Variants in TMPRSS9 observed in about 807,000 individuals in gnomAD.
TMPRSS9 encodes the protein transmembrane serine protease 9.
Under a neutral mutation model 111.4 loss-of-function variants are expected in TMPRSS9, and 113 were observed. That is an observed-to-expected ratio of 1.01 (90% CI 0.87 to 1.19). The LOEUF is 1.19. TMPRSS9 is among the 50% of genes most tolerant of loss of function. The probability of loss-of-function intolerance (pLI) is 0.00; values close to 1 mark genes in which losing one functional copy is unlikely to be tolerated. For missense variants in TMPRSS9, 1,803 were observed against 1,513.1 expected (o/e 1.19, Z -3.18); for synonymous variants, 805 against 659.1 (o/e 1.22, Z -3.39).
intron 1 of TMPRSS9, among the ~76,000 whole-genome samples, chr19:2,377,970 G>A (rs376735828): frequency 2.0e-5 from 3 of 151,428 alleles, no homozygotes; most frequent in Non-Finnish European, 4.4e-5. Context: ...TCCTGGGCTC[G>A]AGTGATGAAC....
chr19:2,360,365 G>T lies in TMPRSS9; in HGVS notation c.-26+5G>T, dbSNP rs943517424. The stretch of plus-strand genomic sequence containing the variant: ...CCCCCACTTCCTCCAACCCCGGTGA[G>T]TCGGGGTCTCCTGCGGGCTCAGCCT... On this transcript the variant is annotated splice_donor_5th_base_variant and intron_variant, in intron 1 of 17. Coordinates refer to the TMPRSS9 transcript ENST00000649857. Among the ~76,000 whole-genome samples the T allele has an allele frequency of 7.3e-5, 11 of 150,960 alleles. No homozygotes were observed. Among genetic ancestry groups the T allele is most frequent in the Non-Finnish European group, 1.5e-4 (10 of 67,884 alleles).
chr19:2,404,140 A>G (rs1970917820), intron 6 of TMPRSS9, among the ~76,000 whole-genome samples: 1 of 152,236 alleles, frequency 6.6e-6, no homozygotes, highest in South Asian at 2.1e-4. Context: ...TGCACTGTCC[A>G]GCCTGGATAA....
chr19:2,398,972 G>A, intron 3 of TMPRSS9, 46 bp from the exon 5 acceptor site: 1 of 1,585,396 alleles, frequency 6.3e-7, no homozygotes, highest in Non-Finnish European at 8.5e-7. Context: ...GATTCCAGCA[G>A]GGCGGAGCCC....
chr19:2,418,262 CCTT>C (rs1445930339), intron 13 of TMPRSS9, 124 bp downstream of exon 14: 2 of 1,124,326 alleles, frequency 1.8e-6, no homozygotes, highest in African/African-American at 2.3e-5. Flanking sequence ...CTCCTTCCCT[CCTT>C]GTCCTTCCCT....
intron 1 of TMPRSS9, among the ~76,000 whole-genome samples, chr19:2,361,854 G>C (rs117662384): frequency 2.2e-4 from 34 of 152,264 alleles, no homozygotes; most frequent in African/African-American, 6.5e-4. Context: ...CTTGTGGGCC[G>C]CGTGGTGGCC....
chr19:2,423,986 C>G (rs921504333), intron 14 of TMPRSS9, 103 bp from the exon 16 acceptor site: 2 of 1,200,066 alleles, frequency 1.7e-6, no homozygotes, highest in Non-Finnish European at 2.1e-6. Flanking sequence ...ACAACCTACT[C>G]CCTGGGGCTC....
intron 1 of TMPRSS9, among the ~76,000 whole-genome samples, chr19:2,361,436 C>CCGCCCCAGTTCTCACCCT (rs1275759221): frequency 1.3e-5 from 2 of 151,648 alleles, no homozygotes; most frequent in African/African-American, 4.8e-5. Context: ...GCCTCTCCTC[C>CCGCCCCAGTTCTCACCCT]CGCCCCAGTT....
intron 9 of TMPRSS9, 37 bp from the exon 11 acceptor site, chr19:2,413,662 CT>C: frequency 6.4e-7 from 1 of 1,567,326 alleles, no homozygotes; most frequent in Non-Finnish European, 8.7e-7. Flanking sequence ...GGACTGGCTG[CT>C]GCCGACCCAT....
At chr19:2,415,586 A>G (rs1231920299) in intron 10 of TMPRSS9, 84 bp from the exon 12 acceptor site, 2 of 1,285,112 alleles carry the variant, frequency 1.6e-6, no homozygotes, top group East Asian at 2.8e-5. Flanking sequence ...CCTGGCTGCA[A>G]CCGGTGTCCT....
intron 13 of TMPRSS9, among the ~76,000 whole-genome samples, chr19:2,420,002 T>TA (rs1274554457): frequency 6.6e-5 from 10 of 151,336 alleles, no homozygotes; most frequent in African/African-American, 2.2e-4. Flanking sequence ...CTACAAAAAT[T>TA]TAAAAAAAAA....
At chr19:2,414,359 C>G (rs771804197) in intron 10 of TMPRSS9, among the ~76,000 whole-genome samples, 1 of 151,888 alleles carries the variant, frequency 6.6e-6, no homozygotes, top group Admixed American at 6.6e-5. Context: ...CCTGCCTCAG[C>G]CTCCTGAACA....
intron 1 of TMPRSS9, among the ~76,000 whole-genome samples, chr19:2,384,057 A>C (rs1226171158): frequency 6.6e-6 from 1 of 151,406 alleles, no homozygotes; most frequent in African/African-American, 2.4e-5. Flanking sequence ...GAGCAACTCC[A>C]CTCCCTCCAG....
At chr19:2,367,757 G>C (rs1216618521) in intron 1 of TMPRSS9, among the ~76,000 whole-genome samples, 2 of 151,226 alleles carry the variant, frequency 1.3e-5, no homozygotes, top group African/African-American at 2.4e-5. Flanking sequence ...TAGAGATGGG[G>C]TTTCACTGTG....
At chr19:2,419,571 T>C (rs1971417612) in intron 13 of TMPRSS9, among the ~76,000 whole-genome samples, 1 of 148,002 alleles carries the variant, frequency 6.8e-6, no homozygotes, top group African/African-American at 2.5e-5. Context: ...GGCTGGAGTG[T>C]AGTGGCGTGA....
At chr19:2,405,341 T>G in intron 6 of TMPRSS9, 33 bp from the exon 8 acceptor site, 2 of 1,557,798 alleles carry the variant, frequency 1.3e-6, no homozygotes, top group Non-Finnish European at 8.6e-7. Flanking sequence ...CCTGCCTTCG[T>G]GGGGTCATGG....
At chr19:2,425,299 G>A (rs1328209314) in intron 16 of TMPRSS9, 32 bp downstream of exon 17, 3 of 1,221,134 alleles carry the variant, frequency 2.5e-6, no homozygotes, top group South Asian at 2.4e-5. Flanking sequence ...GTGGTGCGGG[G>A]CTCGGGGGGC....
upstream of TMPRSS9, among the ~76,000 whole-genome samples, chr19:2,385,188 C>CGGGGGGCGGGGCTCGCG (rs1173392532): frequency 3.2e-4 from 8 of 24,980 alleles, no homozygotes; most frequent in African/African-American, 1.0e-3. Context: ...GCGGGGCTCG[C>CGGGGGGCGGGGCTCGCG]GGGGGCGGGG....
chr19:2,383,945 A>G (rs181758784), intron 1 of TMPRSS9, among the ~76,000 whole-genome samples: 57 of 152,226 alleles, frequency 3.7e-4, no homozygotes, highest in Admixed American at 3.7e-3. Context: ...GGACACACTT[A>G]GGCTACAAAA....
chr19:2,415,640 C>G, intron 10 of TMPRSS9, 30 bp from the exon 12 acceptor site: 1 of 1,537,230 alleles, frequency 6.5e-7, no homozygotes, highest in Non-Finnish European at 8.8e-7. Flanking sequence ...GGCCAAGATC[C>G]CCAGACCTGG....
Sources: gnomAD v4.1 joint callset for allele counts (sites outside exome capture counted in the v4.1 genomes callset) on GRCh38, gnomAD v4.1.1 for gene constraint, MANE v1.5 for transcripts, NCBI Gene and HGNC (gene_info 2026-07-23, HGNC 2026-07-21) for gene names.